Variants in COL14A1 observed in about 807,000 individuals in gnomAD.
COL14A1 encodes collagen alpha-1(XIV) chain.
In COL14A1, 136 loss-of-function variants were observed where a neutral mutation model predicts 230.3. That is an observed-to-expected ratio of 0.59 (90% CI 0.51 to 0.68). COL14A1 has a LOEUF of 0.68. COL14A1 is among the 30% of genes least tolerant of loss of function. COL14A1 has a pLI of 0.00. For synonymous variants in COL14A1, 792 were observed against 784.1 expected (o/e 1.01, Z -0.17); for missense variants, 1,976 against 2,215.8 (o/e 0.89, Z 2.17).
intron 22 of COL14A1, among the ~76,000 whole-genome samples, chr8:120,254,417 C>A (rs371686144): frequency 6.6e-6 from 1 of 152,012 alleles, no homozygotes; most frequent in African/African-American, 2.4e-5. Flanking sequence ...TTTATTCAAT[C>A]GTGTTTTGAA....
intron 4 of COL14A1, among the ~76,000 whole-genome samples, 180 bp from the exon 5 acceptor site, chr8:120,167,981 A>G (rs967031672): frequency 3.9e-5 from 6 of 152,186 alleles, no homozygotes; most frequent in African/African-American, 1.4e-4. Flanking sequence ...GTGTCTTTTC[A>G]TGTCAAAGTT....
chr8:120,345,644 G>A (rs1048556339), intron 45 of COL14A1, 81 bp downstream of exon 45: 1 of 1,186,388 alleles, frequency 8.4e-7, no homozygotes, highest in Non-Finnish European at 1.1e-6. Flanking sequence ...TCTTATACAA[G>A]GATAAAGTCT....
Position 120,128,226 on chromosome 8 carries a change from C to T in COL14A1, c.-38+2886C>T, listed in dbSNP as rs371840437. 2.7e-3 allele frequency among the ~76,000 whole-genome samples: 274 copies of T among 100,562 alleles called. 1 individual carries two copies. Among genetic ancestry groups the T allele is most frequent in the African/African-American group, 8.5e-3 (206 of 24,248 alleles). 66.0% of individuals were successfully genotyped at this position (100,562 alleles called of 152,430 possible). On this transcript the variant is annotated intron_variant, in intron 1 of 47. Coordinates refer to ENST00000297848, the MANE Select transcript of COL14A1 (RefSeq NM_021110.4). ...TGACGTGTGTGTGTGTGTGTGCGCGCGCGTGTGTGTGTGTGTGTGTGTGTG... is the reference window on the plus strand; with the variant it reads ...TGACGTGTGTGTGTGTGTGTGCGCGTGCGTGTGTGTGTGTGTGTGTGTGTG...
At chr8:120,257,893 G>A (rs1357753474) in intron 23 of COL14A1, among the ~76,000 whole-genome samples, 1 of 152,118 alleles carries the variant, frequency 6.6e-6, no homozygotes, top group East Asian at 1.9e-4. Context: ...TTAAGCATGT[G>A]CACTTTTATT....
intron 24 of COL14A1, among the ~76,000 whole-genome samples, chr8:120,263,901 G>T (rs141658836): frequency 6.6e-6 from 1 of 152,068 alleles, no homozygotes; most frequent in Non-Finnish European, 1.5e-5. Context: ...CTTCTTTTAC[G>T]TAATACAAAG....
rs567294231 is a variant in COL14A1, at chr8:120,147,723, T to C, written c.-37-83T>C. The C allele has an allele frequency of 1.2e-4, 80 of 658,144 alleles. No homozygotes were observed. The South Asian group carries it at 1.4e-3, about 12-fold the overall frequency. 40.8% of individuals were successfully genotyped at this position (658,144 alleles called of 1,614,324 possible). Reference sequence around the variant, plus strand: ...TACTTCCTGACAATACTAATCCATGTTGGCTTATTCGCCTGTCCTAAATGA... The same window carrying C: ...TACTTCCTGACAATACTAATCCATGCTGGCTTATTCGCCTGTCCTAAATGA... On this transcript the variant is annotated intron_variant, in intron 1 of 47. Transcript: ENST00000297848.
chr8:120,154,317 C>A (rs912409773), intron 2 of COL14A1, among the ~76,000 whole-genome samples: 1 of 152,154 alleles, frequency 6.6e-6, no homozygotes, highest in African/African-American at 2.4e-5. Flanking sequence ...AATAGTGAGG[C>A]TTCAATGACA....
At chr8:120,295,522 G>A (rs1022955294) in intron 34 of COL14A1, among the ~76,000 whole-genome samples, 1 of 151,682 alleles carries the variant, frequency 6.6e-6, no homozygotes, top group African/African-American at 2.4e-5. Flanking sequence ...TGCTATTGTT[G>A]TTGTTATTTA....
At chr8:120,244,059 T>A in intron 20 of COL14A1, 51 bp downstream of exon 20, 1 of 1,588,710 alleles carries the variant, frequency 6.3e-7, no homozygotes, top group Non-Finnish European at 8.6e-7. Flanking sequence ...TAAATGGAAA[T>A]GCTTGTCCCC....
intron 34 of COL14A1, among the ~76,000 whole-genome samples, chr8:120,291,828 TTC>T (rs1424119020): frequency 2.6e-5 from 4 of 152,090 alleles, no homozygotes; most frequent in Non-Finnish European, 1.5e-5. Flanking sequence ...ACTATTTTGT[TTC>T]TCTTTCATAT....
intron 40 of COL14A1, among the ~76,000 whole-genome samples, chr8:120,325,474 G>C (rs1033108382): frequency 2.0e-4 from 17 of 83,252 alleles, no homozygotes; most frequent in Admixed American, 3.8e-4. Context: ...TAAGTGTTCT[G>C]CTGTTTGTTT....
At chr8:120,185,696 T>C (rs1457593266) in intron 5 of COL14A1, among the ~76,000 whole-genome samples, 3 of 152,136 alleles carry the variant, frequency 2.0e-5, no homozygotes, top group Admixed American at 2.0e-4. Context: ...AAAAAATAGC[T>C]GTTATCCAGT....
intron 5 of COL14A1, among the ~76,000 whole-genome samples, chr8:120,185,003 C>T (rs187825675): frequency 1.3e-5 from 2 of 152,254 alleles, no homozygotes; most frequent in Admixed American, 6.5e-5. Context: ...AAATTAACCA[C>T]ACGCTGTATA....
At chr8:120,173,684 A>ATCTG (rs1563650943) in intron 5 of COL14A1, among the ~76,000 whole-genome samples, 3 of 151,256 alleles carry the variant, frequency 2.0e-5, no homozygotes, top group African/African-American at 7.3e-5. Flanking sequence ...CTATCTATCT[A>ATCTG]TCTATCTATC....
intron 34 of COL14A1, among the ~76,000 whole-genome samples, chr8:120,295,183 T>C (rs560187068): frequency 6.6e-6 from 1 of 151,994 alleles, no homozygotes; most frequent in African/African-American, 2.4e-5. Context: ...GCTGAATCTA[T>C]CCAATGCTGT....
In COL14A1 at chr8:120,243,982, T is replaced by A; in HGVS notation, c.2453T>A (p.Val818Asp). 1 of 1,613,196 alleles carries A rather than the reference T, an allele frequency of 6.2e-7. No homozygotes were observed. Among genetic ancestry groups the A allele is most frequent in the Non-Finnish European group, 8.5e-7 (1 of 1,179,504 alleles). ...CCCATCTACACGGATGGCGAAGGCG[T>A]CAGCGTCTCCGCTCCTGGAAAAACC... is the stretch of plus-strand genomic sequence containing the variant. ...VTPIYTDGEG[V>D]SVSAPGKTLP... Residue 818 changes from valine to aspartate, a missense_variant, in exon 20 of 48, where the codon GTC (valine) becomes GAC (aspartate). By Grantham distance (152) the Val-to-Asp change is radical. Transcript: ENST00000297848.
chr8:120,324,728 G>T (rs900844976), intron 40 of COL14A1, among the ~76,000 whole-genome samples: 8 of 152,126 alleles, frequency 5.3e-5, no homozygotes, highest in Non-Finnish European at 1.2e-4. Context: ...GGAATCTTAA[G>T]GTTAGTATCA....
chr8:120,267,944 A>G (rs1450746837), intron 25 of COL14A1, among the ~76,000 whole-genome samples: 2 of 151,844 alleles, frequency 1.3e-5, no homozygotes, highest in East Asian at 1.9e-4. Flanking sequence ...GAGCTCTTCC[A>G]TTCACAATGC....
intron 9 of COL14A1, among the ~76,000 whole-genome samples, chr8:120,206,630 T>C (rs189473138): frequency 6.6e-6 from 1 of 152,254 alleles, no homozygotes; most frequent in Admixed American, 6.5e-5. Flanking sequence ...ATTACAGGCA[T>C]GAACCACTGT....
Sources: allele counts gnomAD v4.1 joint callset (sites outside exome capture counted in the v4.1 genomes callset), GRCh38; gene constraint gnomAD v4.1.1; transcripts MANE v1.5; gene names NCBI Gene and HGNC (gene_info 2026-07-23, HGNC 2026-07-21).